PHLDB2: variants seen among roughly 807,000 people sequenced by gnomAD.
The protein encoded by PHLDB2 is pleckstrin homology-like domain family B member 2.
In PHLDB2, 71 loss-of-function variants were observed where a neutral mutation model predicts 123.6. The observed-to-expected ratio is 0.57, with a 90% confidence interval of 0.47 to 0.70. PHLDB2 has a LOEUF of 0.70. Ranked by LOEUF, PHLDB2 falls within the 30% of genes least tolerant of loss-of-function variation. PHLDB2 has a pLI of 0.00. For synonymous variants in PHLDB2, 547 were observed against 541.6 expected, an observed-to-expected ratio of 1.01 and a Z score of -0.14; for missense variants, 1,446 against 1,519.5, an observed-to-expected ratio of 0.95 and a Z score of 0.80.
At chr3:111,879,631 T>C (rs2107305695) in intron 1 of PHLDB2, among the ~76,000 whole-genome samples, 1 of 152,252 alleles carries the variant, frequency 6.6e-6, no homozygotes, top group East Asian at 1.9e-4. Context: ...TTTTTTGAAG[T>C]GTAAAGTTAC....
At chr3:111,739,597 C>G (rs11921049) in intron 1 of PHLDB2, among the ~76,000 whole-genome samples, 4 of 107,536 alleles carry the variant, frequency 3.7e-5, no homozygotes, top group East Asian at 2.7e-4. Flanking sequence ...ACAAAACAAA[C>G]AAAAAAAAAA....
chr3:111,855,250 G>A (rs1236431150), upstream of PHLDB2, among the ~76,000 whole-genome samples: 1 of 152,166 alleles, frequency 6.6e-6, no homozygotes, highest in African/African-American at 2.4e-5. Context: ...AGATCCTGGA[G>A]AGGCAAACAA....
intron 1 of PHLDB2, among the ~76,000 whole-genome samples, chr3:111,843,264 C>CT (rs879447995): frequency 5.9e-5 from 9 of 152,158 alleles, no homozygotes; most frequent in Non-Finnish European, 1.2e-4. Context: ...TACAATCTGT[C>CT]TTTTTTATTA....
intron 6 of PHLDB2, among the ~76,000 whole-genome samples, chr3:111,937,485 A>G (rs1421988304): frequency 1.3e-5 from 2 of 152,170 alleles, no homozygotes; most frequent in Non-Finnish European, 2.9e-5. Flanking sequence ...TTTATAAAAA[A>G]TCTGGCTGGG....
At chr3:111,830,431 T>A (rs911176347) in intron 1 of PHLDB2, among the ~76,000 whole-genome samples, 1 of 146,810 alleles carries the variant, frequency 6.8e-6, no homozygotes, top group African/African-American at 2.5e-5. Flanking sequence ...AACAGTGATT[T>A]AAAAAAAAGA....
At chr3:111,908,479 G>C (rs974751779) in intron 2 of PHLDB2, among the ~76,000 whole-genome samples, 1 of 152,148 alleles carries the variant, frequency 6.6e-6, no homozygotes, top group Non-Finnish European at 1.5e-5. Context: ...GTTAAAAGAG[G>C]CCTCTGCTCC....
chr3:111,829,971 C>CAG, intron 1 of PHLDB2, among the ~76,000 whole-genome samples: 1 of 119,792 alleles, frequency 8.3e-6, no homozygotes, highest in Non-Finnish European at 1.5e-5. Flanking sequence ...CACACACACA[C>CAG]AGCAAAACCA....
chr3:111,831,106 C>G (rs1378586140), intron 1 of PHLDB2, among the ~76,000 whole-genome samples: 1 of 151,978 alleles, frequency 6.6e-6, no homozygotes, highest in South Asian at 2.1e-4. Context: ...AGCCATGACA[C>G]TTTTTAAAAA....
At chr3:111,854,972 T>TGGTCAA (rs1196428557), upstream of PHLDB2, among the ~76,000 whole-genome samples, 2 of 152,202 alleles carry the variant, frequency 1.3e-5, no homozygotes, top group Non-Finnish European at 2.9e-5. Context: ...GCAGGATTTA[T>TGGTCAA]GGTCAAGGTT....
intron 1 of PHLDB2, among the ~76,000 whole-genome samples, chr3:111,830,285 G>T (rs1172719503): frequency 2.0e-5 from 3 of 152,088 alleles, no homozygotes; most frequent in Non-Finnish European, 4.4e-5. Flanking sequence ...AGCATATATT[G>T]CTTAATAAGC....
chr3:111,759,641 T>C (rs2108006001), intron 1 of PHLDB2, among the ~76,000 whole-genome samples: 1 of 152,310 alleles, frequency 6.6e-6, no homozygotes. Context: ...AGCAAAATAA[T>C]ATAACACCTA....
chr3:111,966,502 T>C, intron 13 of PHLDB2, 111 bp from the exon 14 acceptor site: 1 of 182,228 alleles, frequency 5.5e-6, no homozygotes, highest in Non-Finnish European at 9.4e-6. Context: ...CTTGACCCCA[T>C]GTGTGTGTGT....
chr3:111,735,600 C>T (rs1941662494), intron 1 of PHLDB2, among the ~76,000 whole-genome samples: 1 of 152,200 alleles, frequency 6.6e-6, no homozygotes, highest in African/African-American at 2.4e-5. Flanking sequence ...ATAGAGATTG[C>T]ATCACCATGT....
At chr3:111,843,110 T>C (rs2063768105) in intron 1 of PHLDB2, among the ~76,000 whole-genome samples, 1 of 152,226 alleles carries the variant, frequency 6.6e-6, no homozygotes, top group Non-Finnish European at 1.5e-5. Context: ...CTTTGGGGTA[T>C]ATACGTAGGA....
At chr3:111,896,360 C>CAA in intron 2 of PHLDB2, among the ~76,000 whole-genome samples, 1 of 148,514 alleles carries the variant, frequency 6.7e-6, no homozygotes, top group East Asian at 2.0e-4. Context: ...CTTCCCCCGC[C>CAA]CCGAGACGGA....
chr3:111,913,233 G>C, intron 2 of PHLDB2, 86 bp from the exon 3 acceptor site: 2 of 1,411,390 alleles, frequency 1.4e-6, no homozygotes, highest in Non-Finnish European at 1.9e-6. Flanking sequence ...GCAAGCACCA[G>C]TTGTCCCAGC....
At chr3:111,848,243 G>A (rs1044599284) in intron 2 of PHLDB2, among the ~76,000 whole-genome samples, 3 of 152,110 alleles carry the variant, frequency 2.0e-5, no homozygotes, top group African/African-American at 7.2e-5. Flanking sequence ...TAGCCCATGA[G>A]AGATAAAACT....
At chr3:111,949,285 C>T (rs1018376821) in intron 10 of PHLDB2, among the ~76,000 whole-genome samples, 1 of 152,132 alleles carries the variant, frequency 6.6e-6, no homozygotes, top group African/African-American at 2.4e-5. Context: ...GAAATTTATG[C>T]TACGGAGTGG....
chr3:111,818,735 C>T (rs1381495162), intron 1 of PHLDB2, among the ~76,000 whole-genome samples: 1 of 152,154 alleles, frequency 6.6e-6, no homozygotes, highest in African/African-American at 2.4e-5. Context: ...AAGGCTGACA[C>T]CAGTCCAGAT....
Sources: gnomAD v4.1 joint callset for allele counts (sites outside exome capture counted in the v4.1 genomes callset) on GRCh38, gnomAD v4.1.1 for gene constraint, MANE v1.5 for transcripts, NCBI Gene and HGNC (gene_info 2026-07-23, HGNC 2026-07-21) for gene names.